Variants in PRUNE2 observed in about 807,000 individuals in gnomAD.
PRUNE2 encodes the protein protein prune homolog 2.
Under a neutral mutation model 252.0 loss-of-function variants are expected in PRUNE2, and 164 were observed. That is an observed-to-expected ratio of 0.65 (90% CI 0.57 to 0.74). PRUNE2 has a LOEUF of 0.74. Ranked by LOEUF, PRUNE2 falls within the 30% of genes least tolerant of loss-of-function variation. The pLI is 0.00. For missense variants in PRUNE2, 3,495 were observed against 3,711.0 expected (o/e 0.94, Z 1.51); for synonymous variants, 1,292 against 1,350.2 (o/e 0.96, Z 0.94).
At chr9:76,731,182 G>A (rs1371814752) in intron 6 of PRUNE2, among the ~76,000 whole-genome samples, 1 of 151,604 alleles carries the variant, frequency 6.6e-6, no homozygotes, top group Non-Finnish European at 1.5e-5. Context: ...ATATATACTT[G>A]CTGCTGTGGA....
intron 12 of PRUNE2, among the ~76,000 whole-genome samples, chr9:76,641,783 A>G (rs1489223061): frequency 2.6e-5 from 4 of 151,918 alleles, no homozygotes; most frequent in Non-Finnish European, 5.9e-5. Flanking sequence ...AAGGACGCAA[A>G]CCTTACCTGA....
chr9:76,730,585 G>A (rs773528610), intron 6 of PRUNE2, among the ~76,000 whole-genome samples: 1 of 152,168 alleles, frequency 6.6e-6, no homozygotes, highest in Non-Finnish European at 1.5e-5. Context: ...ATAAAAAAAG[G>A]AGAGGTTCTA....
chr9:76,686,764 A>T (rs184911819), intron 9 of PRUNE2, among the ~76,000 whole-genome samples: 2,027 of 152,184 alleles, frequency 0.013, 19 homozygotes, highest in Non-Finnish European at 0.017. Context: ...CTAAGTTTTT[A>T]AAAAAAGTTT....
Position 76,709,544 on chromosome 9 carries a change from GC to G in PRUNE2, c.2729del (p.Gly910AlafsTer7), listed in dbSNP as rs2046560932. 3 of 1,613,876 alleles carry G rather than the reference GC, an allele frequency of 1.9e-6. No homozygotes were observed. The highest frequency in any genetic ancestry group is 2.5e-6 in the Non-Finnish European group (3 of 1,179,866). The part of the protein sequence containing the change: ...QNGLVDPKTR[G>X]KVYEKVDSWN... ...AGGAATCTACCTTTTCATATACCTTGCCCCTAGTTTTAGGATCCACTAAACC... is the reference window on the plus strand; with the variant it reads ...AGGAATCTACCTTTTCATATACCTTGCCCTAGTTTTAGGATCCACTAAACC... On this transcript the variant is annotated frameshift_variant, in exon 8 of 19. Coordinates refer to ENST00000376718, the MANE Select transcript of PRUNE2 (RefSeq NM_015225.3). LOFTEE classifies it high-confidence loss of function.
At chr9:76,855,095 A>C (rs1285814640) in intron 1 of PRUNE2, among the ~76,000 whole-genome samples, 1 of 145,986 alleles carries the variant, frequency 6.8e-6, no homozygotes, top group Non-Finnish European at 1.5e-5. Context: ...ATATATATAT[A>C]TATATATAGT....
At chr9:76,646,646 T>C (rs1043699048) in intron 11 of PRUNE2, among the ~76,000 whole-genome samples, 2 of 152,178 alleles carry the variant, frequency 1.3e-5, no homozygotes, top group Non-Finnish European at 2.9e-5. Context: ...TAATCTTATA[T>C]CCCTTCCTGG....
Position 76,709,452 on chromosome 9 carries a change from A to G in PRUNE2, c.2822T>C (p.Phe941Ser), listed in dbSNP as rs904113829. ...GTAATCAGAACATTTGTAAGATAAG[A>G]AGGAATCTTCCCAAGGAACTAGGAC... ...SDVLVPWEDS[F>S]LSYKCSDYSA... Residue 941 changes from phenylalanine (F) to serine (S), a missense_variant, in exon 8 of 19, where the codon TTC becomes TCC. By Grantham distance (155) the Phe-to-Ser change is radical (BLOSUM62 -2). Transcript: ENST00000376718. The G allele has an allele frequency of 1.2e-6, 2 of 1,613,982 alleles. No individual in the cohort carries two copies. Among genetic ancestry groups the G allele is most frequent in the Middle Eastern group, 3.3e-4 (2 of 6,062 alleles).
intron 16 of PRUNE2, among the ~76,000 whole-genome samples, chr9:76,628,069 G>A (rs1835726917): frequency 6.6e-6 from 1 of 151,946 alleles, no homozygotes; most frequent in African/African-American, 2.4e-5. Flanking sequence ...ATACTTGCCT[G>A]TTTTCTTTGA....
Position 76,711,066 on chromosome 9 carries a change from A to T in PRUNE2, c.1208T>A (p.Ile403Lys). The T allele has an allele frequency of 6.2e-7, 1 of 1,614,026 alleles. No homozygotes were observed. Reference sequence around the variant, plus strand: ...ATCATTGAGATCTGGAGGGTTCTCTATGAAATTCACAGAGCTGGGTTGTGG... The same window carrying T: ...ATCATTGAGATCTGGAGGGTTCTCTTTGAAATTCACAGAGCTGGGTTGTGG... ...IEPQPSSVNF[I>K]ENPPDLNDSN... Residue 403 changes from isoleucine to lysine, a missense_variant, in exon 8 of 19, where the codon ATA (isoleucine) becomes AAA (lysine). Physicochemically the swap from Ile to Lys is moderately radical, Grantham distance 102. Transcript: ENST00000376718.
intron 1 of PRUNE2, chr9:76,862,405 A>T (rs2060602787): frequency 6.6e-6 from 1 of 152,214 alleles, no homozygotes; most frequent in South Asian, 2.1e-4. Context: ...TCCTATGAAC[A>T]TATGTCTAGG....
chr9:76,728,662 G>T (rs1344348682), intron 6 of PRUNE2, among the ~76,000 whole-genome samples: 3 of 152,134 alleles, frequency 2.0e-5, no homozygotes, highest in Non-Finnish European at 4.4e-5. Flanking sequence ...TAAATAAGCA[G>T]CCCTAACTTC....
chr9:76,871,959 G>A (rs2061227231), intron 1 of PRUNE2, among the ~76,000 whole-genome samples: 1 of 152,258 alleles, frequency 6.6e-6, no homozygotes, highest in South Asian at 2.1e-4. Context: ...AAATTACGCT[G>A]TAGATAGTGA....
chr9:76,755,226 C>T (rs2051027377), intron 6 of PRUNE2, among the ~76,000 whole-genome samples: 1 of 152,126 alleles, frequency 6.6e-6, no homozygotes, highest in South Asian at 2.1e-4. Flanking sequence ...GCCCCCAGCA[C>T]AGCAACAGGG....
Position 76,823,719 on chromosome 9 carries a change from A to C in PRUNE2, c.669T>G (p.Ser223Arg). The C allele has an allele frequency of 6.3e-7, 1 of 1,599,352 alleles. No homozygotes were observed. Among genetic ancestry groups the C allele is most frequent in the East Asian group, 2.2e-5 (1 of 44,788 alleles). Residue 223 changes from serine (S) to arginine (R), a missense_variant, in exon 6 of 19, where the codon AGT (serine) becomes AGG (arginine). Ser to Arg is a moderately radical substitution (Grantham distance 110). Coordinates refer to ENST00000376718, the MANE Select transcript of PRUNE2 (RefSeq NM_015225.3). Reference protein sequence around the residue: ...QETQFSAQGLSIEQTMLKDLK... With the variant: ...QETQFSAQGLRIEQTMLKDLK... ...GATCTTTCAACATTGTCTGTTCAAT[A>C]CTTAAACCTGTGGATGACAGGAAAA...
intron 6 of PRUNE2, among the ~76,000 whole-genome samples, chr9:76,797,038 T>TACGCACACGCAC (rs71309258): frequency 6.6e-6 from 1 of 151,640 alleles, no homozygotes; most frequent in East Asian, 1.9e-4. Context: ...CACTCACACA[T>TACGCACACGCAC]ACACACACAC....
Position 76,709,659 on chromosome 9 carries a change from G to C in PRUNE2, c.2615C>G (p.Ser872Cys). 6.2e-7 allele frequency: 1 copy of C among 1,613,976 alleles called. No individual in the cohort carries two copies. The change falls in exon 8 of 19, where the codon TCC becomes TGC. Residue 872 changes from serine (S) to cysteine (C), a missense_variant. Transcript: ENST00000376718. ...PEIWGKKNND[S>C]RDHIFAPGNP... Reference sequence around the variant, plus strand: ...TCCAGGTGCAAAGATGTGATCCCTGGAGTCATTGTTTTTCTTGCCCCAGAT... The same window carrying C: ...TCCAGGTGCAAAGATGTGATCCCTGCAGTCATTGTTTTTCTTGCCCCAGAT...
chr9:76,850,479 T>TG lies in PRUNE2; in HGVS notation c.327dup (p.Ser110GlnfsTer7), dbSNP rs2059900508. ...GGATCTTACCTCGCCAGCACACTGC[T>TG]GCCAACAAGTGTTATCGATAACTTC... On this transcript the variant is annotated frameshift_variant, in exon 3 of 19. Coordinates refer to ENST00000376718, the MANE Select transcript of PRUNE2 (RefSeq NM_015225.3). LOFTEE classifies it high-confidence loss of function. The TG allele has an allele frequency of 6.2e-7, 1 of 1,613,910 alleles. No homozygotes were observed. The highest frequency in any genetic ancestry group is 1.3e-5 in the African/African-American group (1 of 74,942).
rs763811174 is a variant in PRUNE2 at position 76,706,015 on chromosome 9, G to T, written c.6259C>A (p.Pro2087Thr). The change falls in exon 8 of 19, where the codon CCT (proline) becomes ACT (threonine). Residue 2087 changes from proline (P) to threonine (T), a missense_variant. Transcript: ENST00000376718. ...TGTTCGCAGTGCGTCAGGATATCAG[G>T]ATTCTCACCATCTGCTTTCAAACTG... The part of the protein sequence containing the change: ...PFSLKADGEN[P>T]DILTHCEHDS... 13 of 1,613,886 alleles carry T rather than the reference G, an allele frequency of 8.1e-6. No homozygotes were observed.
chr9:76,757,204 A>C (rs147625850), intron 6 of PRUNE2, among the ~76,000 whole-genome samples: 86 of 152,316 alleles, frequency 5.6e-4, no homozygotes, highest in African/African-American at 2.0e-3. Context: ...TTCCACCTAC[A>C]AACAAATGCT....
Sources: gnomAD v4.1 joint callset for allele counts (sites outside exome capture counted in the v4.1 genomes callset) on GRCh38, gnomAD v4.1.1 for gene constraint, MANE v1.5 for transcripts, NCBI Gene and HGNC (gene_info 2026-07-23, HGNC 2026-07-21) for gene names.